RS1: variants seen among roughly 807,000 people sequenced by gnomAD.
RS1 encodes retinoschisin 1, also known as retinoschisin.
A neutral mutation model predicts 20.8 loss-of-function variants in RS1; 2 were observed. The ratio of observed to expected loss-of-function variants is 0.10; its 90% CI spans 0.04 to 0.30. RS1 has a LOEUF of 0.30. Among genes scored for constraint, RS1 ranks in the 10% least tolerant of loss-of-function variants. The probability of loss-of-function intolerance (pLI) is 1.00; values close to 1 mark genes in which losing one functional copy is unlikely to be tolerated. For synonymous variants in RS1, 70 were observed against 75.8 expected (o/e 0.92, Z 0.40); for missense variants, 151 against 189.8 (o/e 0.80, Z 1.20).
chrX:18,652,573 A>G (rs769366791), intron 3 of RS1, among the ~76,000 whole-genome samples: 5 of 111,389 alleles, frequency 4.5e-5, no homozygotes, highest in Non-Finnish European at 9.4e-5. Context: ...GGAGGCTGAA[A>G]CAGGAGAATC....
intron 5 of RS1, 126 bp from the exon 6 acceptor site, chrX:18,642,282 G>A (rs368749457): frequency 5.4e-5 from 39 of 718,828 alleles, no homozygotes; most frequent in East Asian, 5.1e-4. Flanking sequence ...AGCAGTTTGC[G>A]GGTGCCCCCC....
At chrX:18,650,126 C>A in intron 3 of RS1, 1 of 387,740 alleles carries the variant, frequency 2.6e-6, no homozygotes, top group Non-Finnish European at 4.6e-6. Context: ...TTTGCCATTT[C>A]TTCCCAAATA....
chrX:18,659,769 A>G (rs934980782), intron 1 of RS1, among the ~76,000 whole-genome samples: 2 of 111,442 alleles, frequency 1.8e-5, no homozygotes, highest in African/African-American at 6.5e-5. Context: ...GAAGCTGGCC[A>G]TAGAAACAAA....
rs1230466997 is a variant in RS1 at position 18,647,240 on chromosome X, A to G, written c.277T>C (p.Tyr93His). 8.3e-7 allele frequency: 1 copy of G among 1,208,575 alleles called. No homozygotes were observed. The highest frequency in any genetic ancestry group is 1.1e-6 in the Non-Finnish European group (1 of 894,881). ...CSNPEQYVGW[Y>H]SSWTANKARL... ...GCCTTGTTTGCAGTCCACGAAGAAT[A>G]CCAGCCCACATACTGCTCCGGGTTA... Residue 93 changes from tyrosine to histidine, a missense_variant, in exon 4 of 6, where the codon TAT (tyrosine) becomes CAT (histidine). Physicochemically the swap from Tyr to His is moderately conservative, Grantham distance 83. Transcript: ENST00000379984.
rs780992741 is a variant in RS1 at position 18,671,036 on chromosome X, G to A, written c.52+981C>T. On this transcript the variant is annotated intron_variant, in intron 1 of 5. Coordinates refer to ENST00000379984, the MANE Select transcript of RS1 (RefSeq NM_000330.4). ...TAGCCGGATGTGGTGGTGCGTGCCTGTAGTCCCAGCTACTAGGGAGGCTGA... is the reference window on the plus strand; with the variant it reads ...TAGCCGGATGTGGTGGTGCGTGCCTATAGTCCCAGCTACTAGGGAGGCTGA... Among the ~76,000 whole-genome samples the A allele has an allele frequency of 2.7e-5, 3 of 111,901 alleles. No homozygotes were observed. The South Asian group carries it at 1.1e-3, about 42-fold the overall frequency.
intron 4 of RS1, among the ~76,000 whole-genome samples, chrX:18,645,509 C>T (rs1453854807): frequency 9.1e-6 from 1 of 109,596 alleles, no homozygotes; most frequent in African/African-American, 3.3e-5. Context: ...TGCCGGCCAC[C>T]TGAGAACCAT....
intron 3 of RS1, chrX:18,653,625 A>C: frequency 9.1e-7 from 1 of 1,100,739 alleles, no homozygotes; most frequent in Non-Finnish European, 1.2e-6. Context: ...TGAATCAACC[A>C]TTAACGCTGA....
At chrX:18,645,104 G>T (rs1263550324) in intron 4 of RS1, among the ~76,000 whole-genome samples, 1 of 112,611 alleles carries the variant, frequency 8.9e-6, no homozygotes, top group Non-Finnish European at 1.9e-5. Flanking sequence ...ATCTAGAAGG[G>T]CTTTGACAAG....
intron 3 of RS1, among the ~76,000 whole-genome samples, chrX:18,653,983 A>G (rs1189211676): frequency 9.0e-6 from 1 of 110,666 alleles, no homozygotes; most frequent in Non-Finnish European, 1.9e-5. Flanking sequence ...AAAAATAAAA[A>G]AATAAAAAAA....
intron 1 of RS1, among the ~76,000 whole-genome samples, chrX:18,658,780 T>TTCTTCA (rs763690305): frequency 2.9e-5 from 3 of 103,818 alleles, no homozygotes; most frequent in Non-Finnish European, 4.0e-5. Flanking sequence ...TTATTAAATC[T>TTCTTCA]TCATCATCAT....
chrX:18,657,006 C>T (rs1041048409), intron 2 of RS1, among the ~76,000 whole-genome samples: 1 of 110,519 alleles, frequency 9.0e-6, no homozygotes, highest in Admixed American at 9.7e-5. Context: ...TAGAGGGCAC[C>T]GTTCACCCCA....
chrX:18,651,260 TGTGTGA>T lies in RS1; in HGVS notation c.185-3934_185-3929del, dbSNP rs1378639826. ...GTGTGTGTGTGTGTGTGTGTGTGTG[TGTGTGA>T]GAGAGAGAGAGAGAGAGAGAGACAG... On this transcript the variant is annotated intron_variant, in intron 3 of 5. Transcript: ENST00000379984. Among the ~76,000 whole-genome samples the T allele has an allele frequency of 3.7e-3, 303 of 81,570 alleles. 1 individual carries two copies. Among genetic ancestry groups the T allele is most frequent in the African/African-American group, 8.1e-3 (178 of 22,033 alleles). 70.8% of individuals were successfully genotyped at this position (81,570 alleles called of 115,157 possible).
intron 1 of RS1, among the ~76,000 whole-genome samples, chrX:18,662,037 C>G (rs1374385531): frequency 8.9e-6 from 1 of 112,050 alleles, no homozygotes; most frequent in Non-Finnish European, 1.9e-5. Flanking sequence ...GCGCTGCCCC[C>G]CTCCAGTATC....
At chrX:18,661,458 G>A (rs1019082807) in intron 1 of RS1, among the ~76,000 whole-genome samples, 2 of 111,914 alleles carry the variant, frequency 1.8e-5, no homozygotes, top group African/African-American at 6.5e-5. Context: ...TTTGCCGTCT[G>A]TAGGCGGCTT....
chrX:18,668,016 A>G (rs3788809), intron 1 of RS1, among the ~76,000 whole-genome samples: 48,419 of 111,095 alleles, frequency 0.44, 8,923 homozygotes, highest in Non-Finnish European at 0.59. Flanking sequence ...AACATATTGT[A>G]ATGGCAAAAA....
At chrX:18,669,635 A>T (rs768213983) in intron 1 of RS1, among the ~76,000 whole-genome samples, 17 of 111,768 alleles carry the variant, frequency 1.5e-4, no homozygotes, top group Non-Finnish European at 2.8e-4. Flanking sequence ...GGACAGAAGC[A>T]GTGGAGGGTA....
intron 1 of RS1, among the ~76,000 whole-genome samples, chrX:18,664,506 T>C: frequency 9.0e-6 from 1 of 110,635 alleles, no homozygotes; most frequent in Non-Finnish European, 1.9e-5. Flanking sequence ...TGCACACCTG[T>C]AGTCCCAGCT....
chrX:18,656,851 C>T (rs1237188959), intron 2 of RS1, 93 bp from the exon 3 acceptor site: 11 of 690,443 alleles, frequency 1.6e-5, no homozygotes, highest in Admixed American at 2.3e-5. Flanking sequence ...CCTTATGCAT[C>T]GTCTATAGCA....
intron 1 of RS1, among the ~76,000 whole-genome samples, chrX:18,660,086 G>T (rs750348116): frequency 2.4e-4 from 27 of 111,342 alleles, no homozygotes; most frequent in Admixed American, 2.4e-3. Context: ...GTTTCGTTGG[G>T]TCTTCATCTC....
Sources: gnomAD v4.1 joint callset for allele counts (sites outside exome capture counted in the v4.1 genomes callset) on GRCh38, gnomAD v4.1.1 for gene constraint, MANE v1.5 for transcripts, NCBI Gene and HGNC (gene_info 2026-07-23, HGNC 2026-07-21) for gene names.